Variants in FASTKD2 observed in about 807,000 individuals in gnomAD.
The protein encoded by FASTKD2 is FAST kinase domains 2.
FASTKD2 carries 51 observed loss-of-function variants against 63.6 expected under a neutral mutation model. That is an observed-to-expected ratio of 0.80 (90% CI 0.64 to 1.01). The LOEUF (loss-of-function observed/expected upper bound fraction) is 1.01. Among genes scored for constraint, FASTKD2 ranks in the 50% least tolerant of loss-of-function variants. The pLI is 0.00. For synonymous variants in FASTKD2, 284 were observed against 293.4 expected (o/e 0.97, Z 0.33); for missense variants, 786 against 831.1 (o/e 0.95, Z 0.67).
rs759868604 is a variant in FASTKD2 at position 206,774,388 on chromosome 2, A to G, written c.1418A>G (p.Gln473Arg). The G allele has an allele frequency of 6.3e-7, 1 of 1,592,700 alleles. No homozygotes were observed. Among genetic ancestry groups the G allele is most frequent in the Middle Eastern group, 1.9e-4 (1 of 5,218 alleles). Residue 473 changes from glutamine (Q) to arginine (R), a missense_variant, in exon 7 of 12, where the codon CAG (glutamine) becomes CGG (arginine). Coordinates refer to ENST00000402774, the MANE Select transcript of FASTKD2 (RefSeq NM_001136193.2). Reference protein sequence around the residue: ...YSSLNHVYKCQNKEQFVEVMA... With the variant: ...YSSLNHVYKCRNKEQFVEVMA... ...TCTCTCAATCATGTCTACAAATGCCAGAACAAAGAGTATGTACTTGTTTTT... is the reference window on the plus strand; with the variant it reads ...TCTCTCAATCATGTCTACAAATGCCGGAACAAAGAGTATGTACTTGTTTTT...
rs1463804125 is a variant in FASTKD2, at chr2:206,771,215, A to G, written c.915A>G (p.Glu305=). The change falls in exon 4 of 12, where the codon GAA becomes GAG. Residue 305 remains glutamate (E), a synonymous_variant. Transcript: ENST00000402774. ...ILVDQQVWKI[E]DVFTLQVVMK... ...TTGATCAGCAAGTTTGGAAAATAGA[A>G]GATGTCTTCACATTACAAGTTGTGA... is the stretch of plus-strand genomic sequence containing the variant. 1 of 1,609,014 alleles carries G rather than the reference A, an allele frequency of 6.2e-7. No individual in the cohort carries two copies. Among genetic ancestry groups the G allele is most frequent in the Admixed American group, 1.7e-5 (1 of 60,018 alleles).
chr2:206,769,374 A>G lies in FASTKD2; in HGVS notation c.778-717A>G, dbSNP rs567795564. ...AAAGAGCTTCTCTCTCTTCAGGCTA[A>G]GTTTCCTCAGATGTGATTTTTTGTG... On this transcript the variant is annotated intron_variant, in intron 2 of 11. Coordinates refer to ENST00000402774, the MANE Select transcript of FASTKD2 (RefSeq NM_001136193.2). Among the ~76,000 whole-genome samples, 6 of 152,332 alleles carry G rather than the reference A, an allele frequency of 3.9e-5. 1 individual carries two copies. In the East Asian group the frequency reaches 9.6e-4, roughly 24 times the overall value.
At chr2:206,771,392 C>A (rs976533362) in intron 4 of FASTKD2, 102 bp downstream of exon 4, 9 of 737,596 alleles carry the variant, frequency 1.2e-5, no homozygotes, top group Non-Finnish European at 2.0e-5. Flanking sequence ...CATTGCTGGG[C>A]TTTTAGGTTT....
intron 1 of FASTKD2, 144 bp downstream of exon 1, chr2:206,765,891 G>GT (rs1689430909): frequency 6.6e-6 from 1 of 152,188 alleles, no homozygotes; most frequent in Admixed American, 6.5e-5. Context: ...CATCGCTTTC[G>GT]TTTTCTGCTT....
chr2:206,774,038 C>T (rs1689756253), intron 6 of FASTKD2, among the ~76,000 whole-genome samples, 187 bp from the exon 7 acceptor site: 1 of 152,044 alleles, frequency 6.6e-6, no homozygotes, highest in Admixed American at 6.5e-5. Flanking sequence ...ATACCCAATT[C>T]AAGAATTAAT....
rs779256965 is a variant in FASTKD2, at chr2:206,774,372, C to T, written c.1402C>T (p.His468Tyr). ...SILHTYSSLN[H>Y]VYKCQNKEQF... The stretch of plus-strand genomic sequence containing the variant: ...TCTTCATACTTACTCTTCTCTCAAT[C>T]ATGTCTACAAATGCCAGAACAAAGA... Residue 468 changes from histidine (H) to tyrosine (Y), a missense_variant, in exon 7 of 12, where the codon CAT (histidine) becomes TAT (tyrosine). By Grantham distance (83) the His-to-Tyr change is moderately conservative. Transcript: ENST00000402774. The T allele has an allele frequency of 6.9e-6, 11 of 1,601,516 alleles. No individual in the cohort carries two copies. Among genetic ancestry groups the T allele is most frequent in the African/African-American group, 6.7e-5 (5 of 74,628 alleles).
At position 206,787,776 on chromosome 2, in the gene FASTKD2, CAAAG is replaced by C. The variant is rs140262076; in HGVS notation, c.1595-159_1595-156del. ...TTAGACCCTGTGGAAACCAGGGAGA[CAAAG>C]AGAGAGTCCTTGTGATAAGAAAGAG... is the stretch of plus-strand genomic sequence containing the variant. On this transcript the variant is annotated intron_variant, in intron 8 of 11. Transcript: ENST00000402774. 2.2e-4 allele frequency among the ~76,000 whole-genome samples: 34 copies of C among 152,066 alleles called. No homozygotes were observed. In the East Asian group the frequency reaches 6.2e-3, roughly 28 times the overall value.
Position 206,765,687 on chromosome 2 carries a change from G to T in FASTKD2, c.-111G>T, listed in dbSNP as rs1461231982. 6 of 232,162 alleles carry T rather than the reference G, an allele frequency of 2.6e-5. No homozygotes were observed. Among genetic ancestry groups the T allele is most frequent in the Admixed American group, 6.4e-5 (1 of 15,566 alleles). 14.4% of individuals were successfully genotyped at this position (232,162 alleles called of 1,614,324 possible). A position where few individuals can be genotyped will look rare whatever the true frequency, so the allele number is the denominator to read the frequency against. On this transcript the variant is annotated 5_prime_UTR_variant, in exon 1 of 12. Coordinates refer to ENST00000402774, the MANE Select transcript of FASTKD2 (RefSeq NM_001136193.2). ...GAGGACGAGCTTGGGCTTAGCGGCA[G>T]CCCGTATCACATCCTAGACTTTTTA... is the stretch of plus-strand genomic sequence containing the variant.
chr2:206,772,817 TA>T (rs774443849), intron 6 of FASTKD2, among the ~76,000 whole-genome samples: 2 of 152,296 alleles, frequency 1.3e-5, no homozygotes, highest in Non-Finnish European at 2.9e-5. Flanking sequence ...GTAAGTGTTC[TA>T]AGCGTGTTTA....
At chr2:206,786,934 GACCAATTCTGCACTACCACTAGCT>G in intron 8 of FASTKD2, 35 bp downstream of exon 8, 1 of 995,126 alleles carries the variant, frequency 1.0e-6, no homozygotes, top group Non-Finnish European at 1.5e-6. Context: ...CACCAATTGT[GACCAATTCTGCACTACCACTAGCT>G]ACCATATGAC....
chr2:206,770,192 C>T lies in FASTKD2; in HGVS notation c.879C>T (p.Phe293=), dbSNP rs936784511. 1 of 1,554,798 alleles carries T rather than the reference C, an allele frequency of 6.4e-7. No homozygotes were observed. Among genetic ancestry groups the T allele is most frequent in the African/African-American group, 1.4e-5 (1 of 73,812 alleles). Residue 293 remains phenylalanine, a splice_region_variant and synonymous_variant, in exon 3 of 12, where the codon TTC becomes TTT. Coordinates refer to ENST00000402774, the MANE Select transcript of FASTKD2 (RefSeq NM_001136193.2). The part of the protein sequence containing the change: ...CKNVHVLRTG[F]RILVDQQVWK... ...ATGTTCATGTTCTACGAACGGGATTCAGGTGAGAACTCTCTTATGCTTTCT... is the reference window on the plus strand; with the variant it reads ...ATGTTCATGTTCTACGAACGGGATTTAGGTGAGAACTCTCTTATGCTTTCT...
chr2:206,795,464 C>T lies in FASTKD2; in HGVS notation c.*3662C>T, dbSNP rs1376584104. 1.3e-5 allele frequency among the ~76,000 whole-genome samples: 2 copies of T among 152,226 alleles called. No homozygotes were observed. Among genetic ancestry groups the T allele is most frequent in the Non-Finnish European group, 2.9e-5 (2 of 68,046 alleles). ...AGCCAGGATGGTCTCGATCTCCTGA[C>T]CTTGCGATCTGCCCGCCTTTGGCCT... On this transcript the variant is annotated 3_prime_UTR_variant, in exon 12 of 12. Coordinates refer to ENST00000402774, the MANE Select transcript of FASTKD2 (RefSeq NM_001136193.2).
chr2:206,795,899 C>T lies in FASTKD2; in HGVS notation c.*4097C>T, dbSNP rs1000858711. 6.6e-6 allele frequency among the ~76,000 whole-genome samples: 1 copy of T among 152,164 alleles called. No individual in the cohort carries two copies. The highest frequency in any genetic ancestry group is 2.4e-5 in the African/African-American group (1 of 41,442). On this transcript the variant is annotated 3_prime_UTR_variant, in exon 12 of 12. Coordinates refer to ENST00000402774, the MANE Select transcript of FASTKD2 (RefSeq NM_001136193.2). The stretch of plus-strand genomic sequence containing the variant: ...GGGCAGCATCTTCATGACTTTCCAG[C>T]TTCCAGGCTGTAAGCAGAGATAGCA...
In FASTKD2 at chr2:206,795,716, G is replaced by A. The variant is rs907410026; in HGVS notation, c.*3914G>A. Among the ~76,000 whole-genome samples, 2 of 152,192 alleles carry A rather than the reference G, an allele frequency of 1.3e-5. No individual in the cohort carries two copies. The highest frequency in any genetic ancestry group is 1.9e-4 in the East Asian group (1 of 5,190). ...ACTTGAAACTGGGAAGGCCAAATGA[G>A]ATAGAGGTAATGTTTCTGCCAACAA... On this transcript the variant is annotated 3_prime_UTR_variant, in exon 12 of 12. Transcript: ENST00000402774.
chr2:206,775,962 G>C (rs1689814059), intron 7 of FASTKD2, among the ~76,000 whole-genome samples: 1 of 151,770 alleles, frequency 6.6e-6, no homozygotes, highest in South Asian at 2.1e-4. Context: ...TTGTGGTTTT[G>C]ATTTGCATTT....
chr2:206,774,282 G>T lies in FASTKD2; in HGVS notation c.1312G>T (p.Asp438Tyr). 1 of 1,610,524 alleles carries T rather than the reference G, an allele frequency of 6.2e-7. No homozygotes were observed. Among genetic ancestry groups the T allele is most frequent in the South Asian group, 1.1e-5 (1 of 90,902 alleles). ...TGGCTTTCGACCTGTTGGTTTAATG[G>T]ACCTGTTTATGAAGAGAATAGTAGA... The part of the protein sequence containing the change: ...NLGFRPVGLM[D>Y]LFMKRIVEDP... The change falls in exon 7 of 12, where the codon GAC becomes TAC. Residue 438 changes from aspartate to tyrosine, a missense_variant. Physicochemically the swap from Asp to Tyr is radical, Grantham distance 160 (BLOSUM62 -3). Coordinates refer to ENST00000402774, the MANE Select transcript of FASTKD2 (RefSeq NM_001136193.2).
At chr2:206,779,862 T>G (rs1689921743) in intron 7 of FASTKD2, among the ~76,000 whole-genome samples, 1 of 152,244 alleles carries the variant, frequency 6.6e-6, no homozygotes, top group African/African-American at 2.4e-5. Flanking sequence ...TTGATTCTTT[T>G]GTGAGATGTT....
rs753946769 is a variant in FASTKD2, at chr2:206,788,030, C to T, written c.1688C>T (p.Pro563Leu). 1.9e-6 allele frequency: 3 copies of T among 1,613,530 alleles called. No individual in the cohort carries two copies. The highest frequency in any genetic ancestry group is 2.5e-6 in the Non-Finnish European group (3 of 1,179,618). ...VYLRDIALSLPQLPRELPSSH... is the reference protein window; with the variant it reads ...VYLRDIALSLLQLPRELPSSH... ...CTGAGGGACATAGCCTTGTCACTCCCACAGCTGCCGCGGGAGCTGCCATCG... is the reference window on the plus strand; with the variant it reads ...CTGAGGGACATAGCCTTGTCACTCCTACAGCTGCCGCGGGAGCTGCCATCG... The change falls in exon 9 of 12, where the codon CCA becomes CTA. Residue 563 changes from proline (P) to leucine (L), a missense_variant. Coordinates refer to ENST00000402774, the MANE Select transcript of FASTKD2 (RefSeq NM_001136193.2).
chr2:206,767,103 A>G lies in FASTKD2; in HGVS notation c.410A>G (p.His137Arg). The part of the protein sequence containing the change: ...DDELKKVNLN[H>R]EVSNEDVLTK... ...GAATTGAAGAAAGTAAACCTTAATC[A>G]TGAAGTCTCCAATGAAGATGTTCTT... Residue 137 changes from histidine to arginine, a missense_variant, in exon 2 of 12, where the codon CAT becomes CGT. By Grantham distance (29) the His-to-Arg change is conservative (BLOSUM62 0). Transcript: ENST00000402774. The G allele has an allele frequency of 6.2e-7, 1 of 1,614,132 alleles. No individual in the cohort carries two copies. Among genetic ancestry groups the G allele is most frequent in the Non-Finnish European group, 8.5e-7 (1 of 1,179,958 alleles).
Sources: allele counts gnomAD v4.1 joint callset (sites outside exome capture counted in the v4.1 genomes callset), GRCh38; gene constraint gnomAD v4.1.1; transcripts MANE v1.5; gene names NCBI Gene and HGNC (gene_info 2026-07-23, HGNC 2026-07-21).